The following CNGA1 variants were observed in gnomAD, a reference collection of about 807,000 sequenced individuals.
CNGA1 encodes cyclic nucleotide gated channel subunit alpha 1.
CNGA1 carries 53 observed loss-of-function variants against 69.7 expected under a neutral mutation model. The observed-to-expected ratio is 0.76, with a 90% confidence interval of 0.61 to 0.96. The LOEUF (loss-of-function observed/expected upper bound fraction) is 0.96, where lower values mean the gene tolerates loss of function less well. Ranked by LOEUF, CNGA1 falls within the 40% of genes least tolerant of loss-of-function variation. CNGA1 has a pLI of 0.00. For missense variants in CNGA1, 739 were observed against 811.2 expected, an observed-to-expected ratio of 0.91 and a Z score of 1.08; for synonymous variants, 249 against 283.5, an observed-to-expected ratio of 0.88 and a Z score of 1.22.
At chr4:47,956,488 A>G (rs1740096453) in intron 3 of CNGA1, among the ~76,000 whole-genome samples, 3 of 152,166 alleles carry the variant, frequency 2.0e-5, no homozygotes, top group African/African-American at 7.2e-5. Flanking sequence ...ATTCTGGCAT[A>G]TTGTTCTGGG....
intron 2 of CNGA1, among the ~76,000 whole-genome samples, chr4:48,001,859 AAACTGAT>A (rs1714676565): frequency 6.6e-6 from 1 of 152,194 alleles, no homozygotes; most frequent in South Asian, 2.1e-4. Context: ...AAAGAGGATT[AAACTGAT>A]AACCAATAAC....
intron 8 of CNGA1, 35 bp downstream of exon 8, chr4:47,943,146 T>G: frequency 7.0e-7 from 1 of 1,434,080 alleles, no homozygotes. Context: ...CCCATCACAA[T>G]TTCCTTCTAT....
At chr4:47,940,024 A>C (rs1578064636) in intron 10 of CNGA1, among the ~76,000 whole-genome samples, 1 of 152,122 alleles carries the variant, frequency 6.6e-6, no homozygotes, top group South Asian at 2.1e-4. Context: ...GACACTTGGG[A>C]TCTTCCCTCC....
At chr4:47,981,858 G>A (rs538519475) in intron 2 of CNGA1, among the ~76,000 whole-genome samples, 11 of 152,188 alleles carry the variant, frequency 7.2e-5, no homozygotes, top group South Asian at 4.1e-4. Context: ...TGAAAATAGC[G>A]TCTAGGTTTT....
At position 47,936,611 on chromosome 4, in the gene CNGA1, G is replaced by C; in HGVS notation, c.1871C>G (p.Thr624Ser). The stretch of plus-strand genomic sequence containing the variant: ...GAGGTCTACTGACCCCTCCATTCGA[G>C]TAACCTTCTCTTCAAGATCTTTAGG... ...SDPKDLEEKV[T>S]RMEGSVDLLQ... The change falls in exon 11 of 11, where the codon ACT (threonine) becomes AGT (serine). Residue 624 changes from threonine to serine, a missense_variant. By Grantham distance (58) the Thr-to-Ser change is moderately conservative (BLOSUM62 1). Coordinates refer to ENST00000514170, the MANE Select transcript of CNGA1 (RefSeq NM_001379270.1). 1 of 1,614,160 alleles carries C rather than the reference G, an allele frequency of 6.2e-7. No individual in the cohort carries two copies.
intron 3 of CNGA1, among the ~76,000 whole-genome samples, chr4:47,954,443 T>C (rs890152185): frequency 6.6e-6 from 1 of 152,204 alleles, no homozygotes; most frequent in African/African-American, 2.4e-5. Flanking sequence ...CCTTTCCGTC[T>C]GCGTGCTCCC....
At chr4:47,977,603 G>A (rs1741480958) in intron 3 of CNGA1, among the ~76,000 whole-genome samples, 1 of 152,020 alleles carries the variant, frequency 6.6e-6, no homozygotes, top group Non-Finnish European at 1.5e-5. Flanking sequence ...TTATGTCAGT[G>A]TCTCTCCCCC....
intron 2 of CNGA1, among the ~76,000 whole-genome samples, chr4:47,988,983 A>T (rs1848342): frequency 0.53 from 79,541 of 150,894 alleles, 22,876 homozygotes; most frequent in Non-Finnish European, 0.64. Flanking sequence ...CTTAGTTTTA[A>T]AAAAAAAAAG....
intron 2 of CNGA1, among the ~76,000 whole-genome samples, chr4:48,002,577 G>A (rs1714705559): frequency 1.5e-5 from 2 of 131,584 alleles, no homozygotes; most frequent in South Asian, 2.4e-4. Flanking sequence ...CTGGGGTGGA[G>A]ATGAAATAGG....
At position 47,937,052 on chromosome 4, in the gene CNGA1, G is replaced by A. The variant is rs773232695; in HGVS notation, c.1430C>T (p.Ala477Val). 1 of 1,614,126 alleles carries A rather than the reference G, an allele frequency of 6.2e-7. No individual in the cohort carries two copies. The highest frequency in any genetic ancestry group is 8.5e-7 in the Non-Finnish European group (1 of 1,180,036). Reference sequence around the variant, plus strand: ...CACCAACAGACCAGCTTCACAATCAGCAAAAATGCGTACCTTTTTTAATGT... The same window carrying A: ...CACCAACAGACCAGCTTCACAATCAACAAAAATGCGTACCTTTTTTAATGT... ...LDTLKKVRIF[A>V]DCEAGLLVEL... Residue 477 changes from alanine to valine, a missense_variant, in exon 11 of 11, where the codon GCT becomes GTT. Ala to Val is a moderately conservative substitution (Grantham distance 64). Coordinates refer to ENST00000514170, the MANE Select transcript of CNGA1 (RefSeq NM_001379270.1).
At chr4:47,944,485 C>T (rs114409057) in intron 6 of CNGA1, among the ~76,000 whole-genome samples, 181 of 152,306 alleles carry the variant, frequency 1.2e-3, no homozygotes, top group African/African-American at 4.3e-3. Flanking sequence ...CGACACACTA[C>T]TCAAATGGCT....
intron 2 of CNGA1, among the ~76,000 whole-genome samples, chr4:48,010,264 G>A (rs1715095683): frequency 6.6e-6 from 1 of 152,212 alleles, no homozygotes; most frequent in Admixed American, 6.5e-5. Context: ...ATTTTATTTA[G>A]ATAGGGACTA....
rs190136238 is a variant in CNGA1, at chr4:47,939,808, G to A, written c.652+955C>T. ...TGGGTTGTTGTTTTTTTTCCCCACC[G>A]TACACAGTTCATGGAAGGTTTCCTG... On this transcript the variant is annotated intron_variant, in intron 10 of 10. Coordinates refer to ENST00000514170, the MANE Select transcript of CNGA1 (RefSeq NM_001379270.1). Among the ~76,000 whole-genome samples the A allele has an allele frequency of 2.9e-4, 44 of 152,150 alleles. No individual in the cohort carries two copies. The East Asian group carries it at 7.7e-3, about 27-fold the overall frequency.
chr4:47,961,698 A>C (rs1740448364), intron 3 of CNGA1, among the ~76,000 whole-genome samples: 1 of 152,202 alleles, frequency 6.6e-6, no homozygotes, highest in Non-Finnish European at 1.5e-5. Context: ...AGTGCACTCC[A>C]GCCTGGGTGA....
At chr4:47,949,762 G>A in intron 6 of CNGA1, 71 bp downstream of exon 6, 13 of 1,091,848 alleles carry the variant, frequency 1.2e-5, no homozygotes, top group Non-Finnish European at 1.4e-5. Flanking sequence ...AACAGATTCA[G>A]ATATATTCCT....
rs1740775018 is a variant in CNGA1 at position 47,967,268 on chromosome 4, A to C, written c.-15+14125T>G. Among the ~76,000 whole-genome samples the C allele has an allele frequency of 2.6e-5, 4 of 152,106 alleles. No homozygotes were observed. The South Asian group carries it at 8.3e-4, about 32-fold the overall frequency. ...CAATGAGCCAAGATCTTGCCACTGC[A>C]CTCCTGCCTGGGCGACAGAACCAGA... On this transcript the variant is annotated intron_variant, in intron 3 of 10. Transcript: ENST00000514170.
At chr4:47,959,877 A>G (rs1181652928) in intron 3 of CNGA1, among the ~76,000 whole-genome samples, 1 of 152,174 alleles carries the variant, frequency 6.6e-6, no homozygotes, top group Non-Finnish European at 1.5e-5. Context: ...AAGTGCTGGG[A>G]TTACAGTTGT....
chr4:47,969,501 G>T (rs1740903363), intron 3 of CNGA1, among the ~76,000 whole-genome samples: 1 of 151,832 alleles, frequency 6.6e-6, no homozygotes, highest in South Asian at 2.1e-4. Flanking sequence ...ATGGAGTCTT[G>T]CTCTGTCGCC....
chr4:47,952,062 A>C (rs1274081527), intron 4 of CNGA1, among the ~76,000 whole-genome samples: 2 of 152,190 alleles, frequency 1.3e-5, no homozygotes, highest in Non-Finnish European at 2.9e-5. Context: ...AAAAGTGACC[A>C]CAATAATATC....
Sources: allele counts gnomAD v4.1 joint callset (sites outside exome capture counted in the v4.1 genomes callset), GRCh38; gene constraint gnomAD v4.1.1; transcripts MANE v1.5; gene names NCBI Gene and HGNC (gene_info 2026-07-23, HGNC 2026-07-21).